PIK3CA: variants seen among roughly 807,000 people sequenced by gnomAD.
PIK3CA encodes the protein phosphatidylinositol 4,5-bisphosphate 3-kinase catalytic subunit alpha isoform.
PIK3CA carries 27 observed loss-of-function variants against 138.2 expected under a neutral mutation model. The observed-to-expected ratio is 0.20, with a 90% CI of 0.14 to 0.27. The LOEUF (loss-of-function observed/expected upper bound fraction) is 0.27. PIK3CA is among the 10% of genes least tolerant of loss of function. PIK3CA has a pLI of 1.00. For synonymous variants in PIK3CA, 358 were observed against 413.2 expected, an observed-to-expected ratio of 0.87 and a Z score of 1.62; for missense variants, 544 against 1,277.4, an observed-to-expected ratio of 0.43 and a Z score of 8.75.
Position 179,184,556 on chromosome 3 carries a change from G to A in PIK3CA, c.-76-14194G>A, listed in dbSNP as rs533942934. 4.1e-4 allele frequency among the ~76,000 whole-genome samples: 62 copies of A among 152,250 alleles called. 1 individual carries two copies. The South Asian group carries it at 0.013, about 31-fold the overall frequency. ...CTGTTAAGTTTGGAATGTTGAATTG[G>A]TCAAAAATGAAAATAATAGTCCAAA... On this transcript the variant is annotated intron_variant, in intron 1 of 20. Transcript: ENST00000263967.
intron 1 of PIK3CA, among the ~76,000 whole-genome samples, chr3:179,189,163 G>A (rs1424740426): frequency 6.6e-6 from 1 of 151,832 alleles, no homozygotes; most frequent in Non-Finnish European, 1.5e-5. Flanking sequence ...GCAGTGAGCC[G>A]AAATCATGCC....
chr3:179,235,989 G>A lies in PIK3CA; in HGVS notation c.*1625G>A, dbSNP rs1725325474. ...GATGTCCAGGTGCCACATCAAAAAA[G>A]TGCAATAATTATTGACAGTTTTTTA... On this transcript the variant is annotated 3_prime_UTR_variant, in exon 21 of 21. Coordinates refer to ENST00000263967, the MANE Select transcript of PIK3CA (RefSeq NM_006218.4). The A allele has an allele frequency of 4.8e-6, 1 of 208,760 alleles. No homozygotes were observed. The highest frequency in any genetic ancestry group is 5.9e-5 in the Admixed American group (1 of 16,906). The allele number at this position is 208,760 out of a possible 1,614,324, so 12.9% of individuals were successfully genotyped here.
intron 1 of PIK3CA, among the ~76,000 whole-genome samples, chr3:179,169,835 T>C (rs1723506564): frequency 6.6e-6 from 1 of 152,238 alleles, no homozygotes; most frequent in Non-Finnish European, 1.5e-5. Flanking sequence ...ACAAAAAAAC[T>C]GCAAGCCAAT....
rs1181503590 is a variant in PIK3CA at position 179,199,685 on chromosome 3, T to TA, written c.353-2dup. 3 of 1,592,674 alleles carry TA rather than the reference T, an allele frequency of 1.9e-6. No homozygotes were observed. The highest frequency in any genetic ancestry group is 2.6e-6 in the Non-Finnish European group (3 of 1,161,122). On this transcript the variant is annotated splice_polypyrimidine_tract_variant and splice_region_variant and intron_variant, in intron 2 of 20. Coordinates refer to ENST00000263967, the MANE Select transcript of PIK3CA (RefSeq NM_006218.4). ...TGTTATATTCTTTATGTAATTTTATTAAAGGTTTTGCTATCGGCATGCCAG... is the reference window on the plus strand; with the variant it reads ...TGTTATATTCTTTATGTAATTTTATTAAAAGGTTTTGCTATCGGCATGCCAG...
chr3:179,193,602 C>G (rs1724190627), intron 1 of PIK3CA, among the ~76,000 whole-genome samples: 1 of 152,222 alleles, frequency 6.6e-6, no homozygotes, highest in Admixed American at 6.5e-5. Context: ...GTAATGAGGA[C>G]TATAATTCAT....
chr3:179,171,899 T>C (rs930949181), intron 1 of PIK3CA, among the ~76,000 whole-genome samples: 4 of 152,036 alleles, frequency 2.6e-5, no homozygotes, highest in African/African-American at 9.7e-5. Flanking sequence ...ACAGTATTAC[T>C]AGATACCAAA....
intron 1 of PIK3CA, among the ~76,000 whole-genome samples, chr3:179,173,014 A>G (rs1055187360): frequency 1.3e-5 from 2 of 152,192 alleles, no homozygotes; most frequent in Non-Finnish European, 2.9e-5. Flanking sequence ...AATTCTTAAT[A>G]TAGTAATATT....
chr3:179,148,172 G>GA, upstream of PIK3CA: 1 of 152,238 alleles, frequency 6.6e-6, no homozygotes, highest in Middle Eastern at 3.4e-3. Flanking sequence ...GCCGGAGGAG[G>GA]GGGGGGGCCG....
chr3:179,178,668 C>T (rs959108979), intron 1 of PIK3CA, among the ~76,000 whole-genome samples: 1 of 152,182 alleles, frequency 6.6e-6, no homozygotes, highest in Admixed American at 6.5e-5. Context: ...GGACAACTCA[C>T]AGGACTCAGC....
chr3:179,183,618 ATTTG>A (rs1723904340), intron 1 of PIK3CA, among the ~76,000 whole-genome samples: 1 of 152,188 alleles, frequency 6.6e-6, no homozygotes, highest in South Asian at 2.1e-4. Context: ...CTTTATATCT[ATTTG>A]TAAGAATACC....
Position 179,229,256 on chromosome 3 carries a change from G to C in PIK3CA, c.2496-16G>C, listed in dbSNP as rs2108422341. The C allele has an allele frequency of 6.3e-7, 1 of 1,595,986 alleles. No homozygotes were observed. Among genetic ancestry groups the C allele is most frequent in the Admixed American group, 1.7e-5 (1 of 57,970 alleles). On this transcript the variant is annotated splice_polypyrimidine_tract_variant and intron_variant, in intron 17 of 20. Coordinates refer to ENST00000263967, the MANE Select transcript of PIK3CA (RefSeq NM_006218.4). Reference sequence around the variant, plus strand: ...AATTCCATCATTTAATTGTAAACGTGTTACTCCTCTTTCAGAATGTTACCT... The same window carrying C: ...AATTCCATCATTTAATTGTAAACGTCTTACTCCTCTTTCAGAATGTTACCT...
chr3:179,236,995 T>C lies in PIK3CA; in HGVS notation c.*2631T>C, dbSNP rs1048931. The C allele has an allele frequency of 0.014, 2,688 of 198,088 alleles. 99 individuals are homozygous for C. The highest frequency in any genetic ancestry group is 0.13 in the South Asian group (700 of 5,238). The allele number at this position is 198,088 out of a possible 1,614,324, so 12.3% of individuals were successfully genotyped here. On this transcript the variant is annotated 3_prime_UTR_variant, in exon 21 of 21. Transcript: ENST00000263967. ...ACTGACTATTGGCTCTACAGTTTTA[T>C]TGGGCCACTTAAGAAATATTTCCTT...
intron 3 of PIK3CA, among the ~76,000 whole-genome samples, 176 bp downstream of exon 3, chr3:179,200,075 A>G (rs1724373434): frequency 6.6e-6 from 1 of 152,014 alleles, no homozygotes; most frequent in Non-Finnish European, 1.5e-5. Context: ...TGTACAATCA[A>G]TATTTATTGG....
In PIK3CA at chr3:179,230,709, A is replaced by T. The variant is rs954622560; in HGVS notation, c.2936+333A>T. 6.6e-6 allele frequency among the ~76,000 whole-genome samples: 1 copy of T among 152,146 alleles called. No individual in the cohort carries two copies. Among genetic ancestry groups the T allele is most frequent in the Non-Finnish European group, 1.5e-5 (1 of 68,028 alleles). Reference sequence around the variant, plus strand: ...GTTGAGGTTGCAGTGAGCCATTATCACGCCACTGTACTCCAACCTGGGCAA... The same window carrying T: ...GTTGAGGTTGCAGTGAGCCATTATCTCGCCACTGTACTCCAACCTGGGCAA... On this transcript the variant is annotated intron_variant, in intron 20 of 20. Transcript: ENST00000263967. This position sits in a 1 kb window ranked among gnomAD's most constrained non-coding sequence, Gnocchi z 5.4.
At chr3:179,181,093 C>T (rs933771075) in intron 1 of PIK3CA, among the ~76,000 whole-genome samples, 8 of 151,986 alleles carry the variant, frequency 5.3e-5, no homozygotes, top group Non-Finnish European at 1.0e-4. Flanking sequence ...AAGAGCAGTA[C>T]TGAAAATAGC....
intron 1 of PIK3CA, among the ~76,000 whole-genome samples, chr3:179,187,918 T>G (rs1724033955): frequency 6.6e-6 from 1 of 152,172 alleles, no homozygotes; most frequent in South Asian, 2.1e-4. Context: ...ATTATAGGCA[T>G]GAGCCACCAT....
intron 9 of PIK3CA, 73 bp downstream of exon 9, chr3:179,210,638 A>C: frequency 1.4e-6 from 2 of 1,431,296 alleles, no homozygotes; most frequent in Non-Finnish European, 1.9e-6. Context: ...TCTCTATGGA[A>C]AAGGATCCAT....
At chr3:179,174,771 A>G (rs1403570233) in intron 1 of PIK3CA, among the ~76,000 whole-genome samples, 2 of 152,180 alleles carry the variant, frequency 1.3e-5, no homozygotes, top group East Asian at 1.9e-4. Context: ...TCATTATTCA[A>G]TGACCATATA....
chr3:179,202,232 TTTTTG>T (rs1366017906), intron 4 of PIK3CA, among the ~76,000 whole-genome samples: 1 of 152,090 alleles, frequency 6.6e-6, no homozygotes, highest in Non-Finnish European at 1.5e-5. Flanking sequence ...GCCCAGCTAA[TTTTTG>T]TTTGTTTGTT....
Sources: gnomAD v4.1 joint callset for allele counts (sites outside exome capture counted in the v4.1 genomes callset) on GRCh38, gnomAD v4.1.1 for gene constraint, Gnocchi (gnomAD v3.1) non-coding constraint, MANE v1.5 for transcripts, NCBI Gene and HGNC (gene_info 2026-07-23, HGNC 2026-07-21) for gene names.